Variants in MACF1 observed in about 807,000 individuals in gnomAD.
The protein encoded by MACF1 is microtubule-actin cross-linking factor 1.
A neutral mutation model predicts 854.8 loss-of-function variants in MACF1; 193 were observed. The observed-to-expected ratio is 0.23, with a 90% CI of 0.20 to 0.25. The LOEUF is 0.25. Ranked by LOEUF, MACF1 falls within the 10% of genes least tolerant of loss-of-function variation. The pLI, the probability that MACF1 is intolerant of heterozygous loss-of-function variation, is 1.00. For synonymous variants in MACF1, 3,185 were observed against 3,226.7 expected, an observed-to-expected ratio of 0.99 and a Z score of 0.44; for missense variants, 7,722 against 8,929.1, an observed-to-expected ratio of 0.86 and a Z score of 5.45.
At chr1:39,480,038 T>G in intron 98 of MACF1, 29 bp downstream of exon 98, 1 of 1,419,014 alleles carries the variant, frequency 7.0e-7, no homozygotes, top group South Asian at 1.2e-5. Flanking sequence ...TATGCCCTTC[T>G]TCCCCAATCC....
In MACF1 at chr1:39,429,248, A is replaced by G. The variant is rs1377585597; in HGVS notation, c.16810A>G (p.Asn5604Asp). 2 of 1,520,742 alleles carry G rather than the reference A, an allele frequency of 1.3e-6. No individual in the cohort carries two copies. Among genetic ancestry groups the G allele is most frequent in the Non-Finnish European group, 1.8e-6 (2 of 1,097,160 alleles). 94.2% of individuals were successfully genotyped at this position (1,520,742 alleles called of 1,614,324 possible). A position where few individuals can be genotyped will look rare whatever the true frequency, so the allele number is the denominator to read the frequency against. Residue 5604 changes from asparagine (N) to aspartate (D), a missense_variant, in exon 64 of 101, where the codon AAT becomes GAT. Asn to Asp is a conservative substitution (Grantham distance 23). Transcript: ENST00000564288. ...TGGTATTCTTTCCTTTCAGGCTTTA[A>G]ATGAAGAAATTGTTAATAGAAAGAA... ...HRQHADHLALNEEIVNRKKNV... is the reference protein window; with the variant it reads ...HRQHADHLALDEEIVNRKKNV...
At chr1:39,258,071 C>T (rs775477651) in intron 6 of MACF1, 43 bp downstream of exon 6, 2 of 1,521,262 alleles carry the variant, frequency 1.3e-6, no homozygotes, top group African/African-American at 1.4e-5. Flanking sequence ...TTTGTTTGGA[C>T]ATGGCCTAGA....
intron 84 of MACF1, among the ~76,000 whole-genome samples, chr1:39,450,767 A>G (rs1240066978): frequency 1.3e-5 from 2 of 151,650 alleles, no homozygotes; most frequent in East Asian, 3.9e-4. Context: ...ACCCACCACC[A>G]TGCCCGGCTA....
At chr1:39,440,595 GT>G (rs3835695) in intron 72 of MACF1, among the ~76,000 whole-genome samples, 52,526 of 151,842 alleles carry the variant, frequency 0.35, 9,609 homozygotes, top group African/African-American at 0.47. Flanking sequence ...CTGGCACAGA[GT>G]TTTTTTCAAG....
rs772187368 is a variant in MACF1 at position 39,459,218 on chromosome 1, A to C, written c.21329A>C (p.Lys7110Thr). ...VWLLALERQR[K>T]LNDALDRLEE... Reference sequence around the variant, plus strand: ...CTGTTAGCACTGGAGCGGCAAAGGAAACTGAATGATGCCTTGGATCGGCTG... The same window carrying C: ...CTGTTAGCACTGGAGCGGCAAAGGACACTGAATGATGCCTTGGATCGGCTG... The change falls in exon 91 of 101, where the codon AAA becomes ACA. Residue 7110 changes from lysine to threonine, a missense_variant. Around this residue, in one of 15 missense-constraint regions of MACF1, gnomAD observed 729 missense variants for 900.5 expected, o/e 0.81. Coordinates refer to ENST00000564288, the MANE Select transcript of MACF1 (RefSeq NM_001394062.1). 1 of 1,613,782 alleles carries C rather than the reference A, an allele frequency of 6.2e-7. No homozygotes were observed. The highest frequency in any genetic ancestry group is 1.1e-5 in the South Asian group (1 of 91,024).
intron 1 of MACF1, among the ~76,000 whole-genome samples, chr1:39,215,816 G>A (rs987247544): frequency 2.0e-5 from 3 of 151,630 alleles, no homozygotes; most frequent in Admixed American, 6.6e-5. Context: ...AGGATGGGGG[G>A]TGGGAGGGAG....
In MACF1 at chr1:39,331,847, G is replaced by A. The variant is rs1646732580; in HGVS notation, c.5259G>A (p.Gln1753=). 2.5e-6 allele frequency: 4 copies of A among 1,614,150 alleles called. No homozygotes were observed. The highest frequency in any genetic ancestry group is 3.4e-6 in the Non-Finnish European group (4 of 1,180,020). ...GRKVSIFRAV[Q]EGLIDRQVTV... is the part of the protein sequence containing the mutation. ...AGGTTAGCATTTTCCGTGCAGTTCA[G>A]GAAGGGCTAATAGATAGGCAGGTCA... is the stretch of plus-strand genomic sequence containing the variant. The change falls in exon 37 of 101, where the codon CAG becomes CAA. Residue 1753 remains glutamine, a synonymous_variant. Transcript: ENST00000564288.
At position 39,422,819 on chromosome 1, in the gene MACF1, A is replaced by C; in HGVS notation, c.16068A>C (p.Ala5356=). 1 of 1,614,206 alleles carries C rather than the reference A, an allele frequency of 6.2e-7. No individual in the cohort carries two copies. The highest frequency in any genetic ancestry group is 8.5e-7 in the Non-Finnish European group (1 of 1,180,024). ...TGGAGCCATTGCTCAGCTGGTTGGC[A>C]GATACCGAGGAGCTCATAGCCAATC... ...DALEPLLSWL[A]DTEELIANQK... The change falls in exon 60 of 101, where the codon GCA becomes GCC. Residue 5356 remains alanine, a synonymous_variant. Transcript: ENST00000564288.
chr1:39,222,297 G>A (rs571314110), intron 1 of MACF1, among the ~76,000 whole-genome samples: 2 of 152,164 alleles, frequency 1.3e-5, no homozygotes, highest in East Asian at 3.9e-4. Flanking sequence ...GCTTATTTTT[G>A]TATTTTTTGT....
intron 2 of MACF1, among the ~76,000 whole-genome samples, chr1:39,141,311 C>T (rs980770781): frequency 6.6e-6 from 1 of 152,148 alleles, no homozygotes; most frequent in African/African-American, 2.4e-5. Flanking sequence ...GGGTCCCATC[C>T]TCAGTTCTGA....
rs1178378576 is a variant in MACF1 at position 39,292,821 on chromosome 1, A to G, written c.1970A>G (p.Glu657Gly). ...TATGCTGAAACTCTTGGAAAGCTGG[A>G]GACACAGTATTGTAAATTGAAGGTG... ...TSYAETLGKL[E>G]TQYCKLKETS... is the part of the protein sequence containing the mutation. The change falls in exon 17 of 101, where the codon GAG becomes GGG. Residue 657 changes from glutamate (E) to glycine (G), a missense_variant. Coordinates refer to ENST00000564288, the MANE Select transcript of MACF1 (RefSeq NM_001394062.1). 3 of 1,613,166 alleles carry G rather than the reference A, an allele frequency of 1.9e-6. No individual in the cohort carries two copies. Among genetic ancestry groups the G allele is most frequent in the Non-Finnish European group, 2.5e-6 (3 of 1,179,680 alleles).
chr1:39,156,966 CTTT>C (rs11287580), intron 2 of MACF1, among the ~76,000 whole-genome samples: 20 of 136,778 alleles, frequency 1.5e-4, no homozygotes, highest in East Asian at 4.3e-4. Context: ...TTTCCATTAT[CTTT>C]TTTTTTTTTT....
intron 58 of MACF1, among the ~76,000 whole-genome samples, chr1:39,406,946 C>G (rs990922524): frequency 6.6e-6 from 1 of 152,018 alleles, no homozygotes; most frequent in Non-Finnish European, 1.5e-5. Flanking sequence ...TCCAGTTGTG[C>G]TGAATAATTA....
chr1:39,102,915 C>G, intron 2 of MACF1: 1 of 702,194 alleles, frequency 1.4e-6, no homozygotes, highest in Non-Finnish European at 2.6e-6. Flanking sequence ...CCCATCCCCC[C>G]TGGCAGCCGC....
intron 37 of MACF1, 37 bp from the exon 38 acceptor site, chr1:39,337,145 C>T (rs1287300208): frequency 1.9e-6 from 3 of 1,590,388 alleles, no homozygotes; most frequent in Non-Finnish European, 2.6e-6. Context: ...TACAGGAGAA[C>T]GTCAGAACTG....
At chr1:39,426,481 C>A (rs1356494138) in intron 61 of MACF1, among the ~76,000 whole-genome samples, 3 of 152,166 alleles carry the variant, frequency 2.0e-5, no homozygotes, top group Admixed American at 6.5e-5. Context: ...AACATTATGA[C>A]CTTTCATTAT....
At chr1:39,305,090 G>A (rs985117211) in intron 23 of MACF1, among the ~76,000 whole-genome samples, 5 of 151,216 alleles carry the variant, frequency 3.3e-5, no homozygotes, top group Non-Finnish European at 5.9e-5. Context: ...GTGAAACTCC[G>A]TCTCACTAAA....
intron 66 of MACF1, among the ~76,000 whole-genome samples, chr1:39,431,568 T>G (rs1254326646): frequency 2.0e-5 from 3 of 152,158 alleles, no homozygotes; most frequent in Non-Finnish European, 4.4e-5. Flanking sequence ...GTCTTTAGAG[T>G]TATCCCTTAT....
chr1:39,218,214 A>G (rs1401296636), intron 1 of MACF1, among the ~76,000 whole-genome samples: 1 of 149,636 alleles, frequency 6.7e-6, no homozygotes, highest in Non-Finnish European at 1.5e-5. Flanking sequence ...AGCTTCCCAG[A>G]TGATTTTGAG....
Sources: gnomAD v4.1 joint callset for allele counts (sites outside exome capture counted in the v4.1 genomes callset) on GRCh38, gnomAD v4.1.1 for gene constraint, gnomAD v4.1.1 regional missense constraint, MANE v1.5 for transcripts, NCBI Gene and HGNC (gene_info 2026-07-23, HGNC 2026-07-21) for gene names.